KIF25: variants seen among roughly 807,000 people sequenced by gnomAD.
The protein encoded by KIF25 is kinesin-like protein KIF25.
KIF25 carries 19 observed loss-of-function variants against 32.9 expected under a neutral mutation model. The observed-to-expected ratio is 0.58, with a 90% CI of 0.40 to 0.85. The LOEUF is 0.85. KIF25 is among the 40% of genes least tolerant of loss of function. KIF25 has a pLI of 0.00. For missense variants in KIF25, 485 were observed against 507.0 expected (o/e 0.96, Z 0.42); for synonymous variants, 225 against 213.7 (o/e 1.05, Z -0.46).
chr6:168,029,402 CT>C (rs1798907951), intron 5 of KIF25, 89 bp from the exon 6 acceptor site: 1 of 897,420 alleles, frequency 1.1e-6, no homozygotes, highest in Non-Finnish European at 1.6e-6. Context: ...CGAACACTGA[CT>C]TTTGGATGGT....
intron 9 of KIF25, 103 bp downstream of exon 9, chr6:168,038,832 G>T: frequency 8.4e-7 from 1 of 1,184,174 alleles, no homozygotes; most frequent in Non-Finnish European, 1.2e-6. Flanking sequence ...AGCTCCCCAC[G>T]CCCAAGGATC....
At chr6:168,042,850 C>A in intron 12 of KIF25, 134 bp downstream of exon 12, 1 of 1,043,032 alleles carries the variant, frequency 9.6e-7, no homozygotes, top group South Asian at 1.6e-5. Flanking sequence ...CTGTGGCTAG[C>A]TGGCACTCCC....
intron 5 of KIF25, among the ~76,000 whole-genome samples, chr6:168,026,841 C>A (rs1798866621): frequency 6.6e-6 from 1 of 152,232 alleles, no homozygotes; most frequent in South Asian, 2.1e-4. Context: ...GGACTGCTGG[C>A]TGTATTCTTG....
intron 4 of KIF25, among the ~76,000 whole-genome samples, chr6:168,011,381 C>T (rs1798645154): frequency 6.6e-6 from 1 of 152,120 alleles, no homozygotes; most frequent in Admixed American, 6.5e-5. Flanking sequence ...TAAGTCCCGT[C>T]TTGTGGTAAT....
intron 4 of KIF25, among the ~76,000 whole-genome samples, chr6:168,014,143 A>G (rs1021123918): frequency 1.3e-5 from 2 of 152,192 alleles, no homozygotes; most frequent in African/African-American, 4.8e-5. Context: ...CCCTCCTGTT[A>G]TAAGTGAACA....
Position 168,010,992 on chromosome 6 carries a change from C to T in KIF25, c.-162-6981C>T, listed in dbSNP as rs141656510. Among the ~76,000 whole-genome samples the T allele has an allele frequency of 4.3e-3, 647 of 150,716 alleles. 2 individuals are homozygous for T. Among genetic ancestry groups the T allele is most frequent in the Admixed American group, 0.013 (195 of 15,184 alleles). On this transcript the variant is annotated intron_variant, in intron 4 of 12. Coordinates refer to ENST00000643607, the MANE Select transcript of KIF25 (RefSeq NM_030615.4). ...TCCATCCCTTCACTTGCAGACTATA[C>T]GTCTCTTTACAGTTGAGGTGAGGTG...
chr6:168,013,391 T>G (rs1280005240), intron 4 of KIF25, among the ~76,000 whole-genome samples: 1 of 151,944 alleles, frequency 6.6e-6, no homozygotes, highest in Non-Finnish European at 1.5e-5. Context: ...GGTTGTGACG[T>G]TCAGCCACCC....
At chr6:168,034,072 G>C in intron 8 of KIF25, 41 bp downstream of exon 8, 1 of 1,606,308 alleles carries the variant, frequency 6.2e-7, no homozygotes. Context: ...AAATATGGCA[G>C]GGAAGCCAGG....
At chr6:168,026,466 C>T (rs9455933) in intron 5 of KIF25, among the ~76,000 whole-genome samples, 75,839 of 151,892 alleles carry the variant, frequency 0.5, 19,466 homozygotes, top group East Asian at 0.88. Context: ...TTCAGGATCA[C>T]CGTGTTTTTA....
intron 4 of KIF25, among the ~76,000 whole-genome samples, chr6:168,014,191 T>C (rs2114877196): frequency 6.6e-6 from 1 of 152,260 alleles, no homozygotes; most frequent in East Asian, 1.9e-4. Flanking sequence ...CTTTCTACGC[T>C]TCCCTGTTTG....
At chr6:168,015,132 C>T (rs1798696811) in intron 4 of KIF25, among the ~76,000 whole-genome samples, 1 of 152,188 alleles carries the variant, frequency 6.6e-6, no homozygotes, top group Admixed American at 6.5e-5. Flanking sequence ...GGGCCTTGAA[C>T]CACCATCCAC....
intron 5 of KIF25, among the ~76,000 whole-genome samples, chr6:168,019,517 C>T (rs912408536): frequency 3.3e-5 from 5 of 152,050 alleles, no homozygotes; most frequent in African/African-American, 9.7e-5. Context: ...AGGAGAAAGA[C>T]GGGTGAGCTT....
Position 167,997,721 on chromosome 6 carries a change from T to C in KIF25, c.-1748T>C, listed in dbSNP as rs1029115481. 2.0e-5 allele frequency among the ~76,000 whole-genome samples: 3 copies of C among 152,058 alleles called. No individual in the cohort carries two copies. Among genetic ancestry groups the C allele is most frequent in the Admixed American group, 6.5e-5 (1 of 15,276 alleles). ...ATGAGACCTGAGATCCCATGAAATT[T>C]AATGTAAAGTCTCAGGGTTTGATTT... On this transcript the variant is annotated 5_prime_UTR_variant, in exon 1 of 13. Transcript: ENST00000643607.
intron 5 of KIF25, among the ~76,000 whole-genome samples, chr6:168,029,031 G>C (rs779160071): frequency 5.1e-4 from 78 of 152,180 alleles, no homozygotes; most frequent in South Asian, 2.1e-4. Context: ...GCTCCAAGTA[G>C]AGATTGTTTT....
At position 168,007,991 on chromosome 6, in the gene KIF25, G is replaced by C. The variant is rs547302320; in HGVS notation, c.-163+4288G>C. 9.2e-5 allele frequency among the ~76,000 whole-genome samples: 14 copies of C among 152,278 alleles called. No homozygotes were observed. In the South Asian group the frequency reaches 2.9e-3, roughly 32 times the overall value. On this transcript the variant is annotated intron_variant, in intron 4 of 12. Transcript: ENST00000643607. ...TACTGCATCACTCTTATCTTAAATG[G>C]CCTGAGAGAGAACTTCATGGATTTG... is the stretch of plus-strand genomic sequence containing the variant.
At chr6:168,031,084 G>C (rs531888360) in intron 7 of KIF25, among the ~76,000 whole-genome samples, 1 of 152,150 alleles carries the variant, frequency 6.6e-6, no homozygotes, top group Non-Finnish European at 1.5e-5. Context: ...ATATCCACCT[G>C]GGATTCCAAA....
At chr6:168,010,110 T>C (rs1798629468) in intron 4 of KIF25, among the ~76,000 whole-genome samples, 1 of 152,040 alleles carries the variant, frequency 6.6e-6, no homozygotes, top group Non-Finnish European at 1.5e-5. Flanking sequence ...TGGGTTTGAT[T>C]TGTTCTTGCT....
In KIF25 at chr6:168,033,836, G is replaced by C. The variant is rs558196138; in HGVS notation, c.168-46G>C. On this transcript the variant is annotated intron_variant, in intron 7 of 12. Coordinates refer to ENST00000643607, the MANE Select transcript of KIF25 (RefSeq NM_030615.4). ...TGAAAATTTTTCCTGGAATCTTCTT[G>C]GCACCCACGTGTGTTTTGCTGGACT... is the stretch of plus-strand genomic sequence containing the variant. 3 of 1,573,208 alleles carry C rather than the reference G, an allele frequency of 1.9e-6. No individual in the cohort carries two copies. The South Asian group carries it at 3.5e-5, about 18-fold the overall frequency.
chr6:168,030,633 T>A, intron 6 of KIF25, 140 bp from the exon 7 acceptor site: 1 of 588,120 alleles, frequency 1.7e-6, no homozygotes, highest in Non-Finnish European at 3.0e-6. Context: ...TAACACAGAT[T>A]AATCTTTTGT....
Sources: gnomAD v4.1 joint callset for allele counts (sites outside exome capture counted in the v4.1 genomes callset) on GRCh38, gnomAD v4.1.1 for gene constraint, MANE v1.5 for transcripts, NCBI Gene and HGNC (gene_info 2026-07-23, HGNC 2026-07-21) for gene names.